NEAT1: variants seen among roughly 807,000 people sequenced by gnomAD.
NEAT1 encodes the protein MENepsilon/beta.
chr11:65,427,649 T>C (rs566247980), exon 1 of NEAT1: 5 of 152,072 alleles, frequency 3.3e-5, no homozygotes, highest in Non-Finnish European at 5.9e-5. Flanking sequence ...AGGGTCCTCT[T>C]TCTGCTTGCA....
exon 1 of NEAT1, chr11:65,425,526 G>C (rs1856552485): frequency 6.6e-6 from 1 of 152,170 alleles, no homozygotes; most frequent in Non-Finnish European, 1.5e-5. Context: ...ATTTGAAACT[G>C]TGAAGGTGTG....
exon 1 of NEAT1, chr11:65,431,624 T>C (rs1209810748): frequency 6.6e-6 from 1 of 152,144 alleles, no homozygotes; most frequent in Non-Finnish European, 1.5e-5. Context: ...GAGGTGACAT[T>C]TCATTGTGGT....
At chr11:65,425,544 C>G (rs1856552603) in exon 1 of NEAT1, 1 of 152,144 alleles carries the variant, frequency 6.6e-6, no homozygotes, top group Admixed American at 6.5e-5. Context: ...GTGATTTTTT[C>G]AGGAGCTGGA....
At chr11:65,437,251 A>ATGTATAT (rs1856669607) in exon 1 of NEAT1, 1 of 146,712 alleles carries the variant, frequency 6.8e-6, no homozygotes, top group Non-Finnish European at 1.5e-5. Context: ...ATATATATAT[A>ATGTATAT]CTAATTTTCT....
At chr11:65,443,529 CT>C (rs1399630507) in exon 1 of NEAT1, 1 of 152,196 alleles carries the variant, frequency 6.6e-6, no homozygotes, top group Non-Finnish European at 1.5e-5. Flanking sequence ...ATTACTTGGG[CT>C]GAAATAATCC....
At chr11:65,442,095 G>C (rs1856719767) in exon 1 of NEAT1, 1 of 152,180 alleles carries the variant, frequency 6.6e-6, no homozygotes, top group African/African-American at 2.4e-5. Context: ...GGTAACAGTG[G>C]ACAGTTGTTG....
At chr11:65,436,920 C>T (rs1182795418) in exon 1 of NEAT1, 1 of 151,910 alleles carries the variant, frequency 6.6e-6, no homozygotes. Flanking sequence ...TGATGGACAC[C>T]CCCAGCTTCC....
At chr11:65,439,298 A>G (rs961509960) in exon 1 of NEAT1, 1 of 152,184 alleles carries the variant, frequency 6.6e-6, no homozygotes, top group Non-Finnish European at 1.5e-5. Flanking sequence ...TATCAGATAC[A>G]TGGTTTGCAA....
At chr11:65,442,575 A>G (rs956191459) in exon 1 of NEAT1, 1 of 152,224 alleles carries the variant, frequency 6.6e-6, no homozygotes, top group Non-Finnish European at 1.5e-5. Context: ...AAGGCCTTCC[A>G]TCTGTATTTA....
chr11:65,423,473 G>T (rs1856522469), exon 1 of NEAT1: 1 of 152,240 alleles, frequency 6.6e-6, no homozygotes, highest in Admixed American at 6.5e-5. Context: ...CAGGCCCCTG[G>T]GCGGAGGTGA....
At chr11:65,430,274 C>T (rs1445893398) in exon 1 of NEAT1, 1 of 152,638 alleles carries the variant, frequency 6.6e-6, no homozygotes, top group Non-Finnish European at 1.5e-5. Context: ...CTCCTGGGCC[C>T]CTCTCCCTTT....
exon 1 of NEAT1, chr11:65,444,703 C>CT: frequency 5.8e-6 from 2 of 343,968 alleles, no homozygotes; most frequent in South Asian, 4.5e-5. Flanking sequence ...TCCAGGTGGG[C>CT]TTTGTGTACC....
exon 1 of NEAT1, chr11:65,441,564 T>G (rs1400844395): frequency 3.3e-5 from 5 of 152,188 alleles, no homozygotes; most frequent in Non-Finnish European, 7.4e-5. Context: ...TAATTACCTT[T>G]TTTATATGTA....
exon 1 of NEAT1, chr11:65,433,605 T>A (rs1392071728): frequency 6.6e-6 from 1 of 152,186 alleles, no homozygotes; most frequent in Non-Finnish European, 1.5e-5. Context: ...AAATTAATTA[T>A]TTACACTGAT....
At chr11:65,440,469 A>C (rs1590675712) in exon 1 of NEAT1, 1 of 151,602 alleles carries the variant, frequency 6.6e-6, no homozygotes, top group Admixed American at 6.6e-5. Context: ...TCAAAAAAAA[A>C]CAAAAACGAC....
chr11:65,438,951 G>A (rs1322398709), exon 1 of NEAT1: 1 of 152,142 alleles, frequency 6.6e-6, no homozygotes, highest in African/African-American at 2.4e-5. Flanking sequence ...TATTTTTGAG[G>A]AACTGCCAAA....
At chr11:65,424,306 C>T (rs1185777638) in exon 1 of NEAT1, 1 of 152,182 alleles carries the variant, frequency 6.6e-6, no homozygotes, top group East Asian at 1.9e-4. Flanking sequence ...CCCTCCTTTC[C>T]TGGGGTAAAG....
chr11:65,427,745 A>G (rs1312440942), exon 1 of NEAT1: 1 of 152,114 alleles, frequency 6.6e-6, no homozygotes, highest in Non-Finnish European at 1.5e-5. Context: ...CAGCACCTCT[A>G]TAACCGCCTT....
exon 1 of NEAT1, chr11:65,424,353 G>T (rs911453702): frequency 6.6e-6 from 1 of 152,170 alleles, no homozygotes; most frequent in African/African-American, 2.4e-5. Context: ...TGAGCCTCCG[G>T]TCATACTAGT....
Sources: allele counts gnomAD v4.1 joint callset, GRCh38; gene constraint gnomAD v4.1.1; transcripts MANE v1.5; gene names NCBI Gene and HGNC (gene_info 2026-07-23, HGNC 2026-07-21).